Variants in PITPNC1 observed in about 807,000 individuals in gnomAD.
The protein encoded by PITPNC1 is cytoplasmic phosphatidylinositol transfer protein 1.
A neutral mutation model predicts 44.7 loss-of-function variants in PITPNC1; 18 were observed. That is an observed-to-expected ratio of 0.40 (90% CI 0.28 to 0.60). The LOEUF is 0.60. PITPNC1 is among the 20% of genes least tolerant of loss of function. The pLI is 0.39. For missense variants in PITPNC1, 290 were observed against 418.4 expected, an observed-to-expected ratio of 0.69 and a Z score of 2.68; for synonymous variants, 141 against 149.6, an observed-to-expected ratio of 0.94 and a Z score of 0.42.
chr17:67,606,797 TAATAAA>T (rs2041614429), intron 5 of PITPNC1, among the ~76,000 whole-genome samples: 1 of 150,458 alleles, frequency 6.6e-6, no homozygotes, highest in Non-Finnish European at 1.5e-5. Context: ...TAAAAAATAA[TAATAAA>T]AAGGGAGAGA....
At chr17:67,572,478 G>GC (rs912562457) in intron 4 of PITPNC1, among the ~76,000 whole-genome samples, 3 of 115,866 alleles carry the variant, frequency 2.6e-5, no homozygotes, top group African/African-American at 6.4e-5. Flanking sequence ...CGGGGGGGGG[G>GC]GGTAAAGAAG....
chr17:67,433,486 C>G (rs901356588), intron 1 of PITPNC1, among the ~76,000 whole-genome samples: 1 of 152,150 alleles, frequency 6.6e-6, no homozygotes, highest in Non-Finnish European at 1.5e-5. Flanking sequence ...AACTCGAAAT[C>G]CCAGCACTTT....
At chr17:67,615,482 A>G (rs1309037179) in intron 5 of PITPNC1, among the ~76,000 whole-genome samples, 2 of 152,122 alleles carry the variant, frequency 1.3e-5, no homozygotes, top group Non-Finnish European at 2.9e-5. Flanking sequence ...ACCCCACCGC[A>G]CGAGCCATAG....
chr17:67,461,107 T>A (rs1315552908), intron 1 of PITPNC1, among the ~76,000 whole-genome samples: 1 of 152,124 alleles, frequency 6.6e-6, no homozygotes. Flanking sequence ...GGTACTCCTT[T>A]CTTTTCTCTC....
At chr17:67,635,282 G>A (rs1366691255) in intron 6 of PITPNC1, among the ~76,000 whole-genome samples, 3 of 152,148 alleles carry the variant, frequency 2.0e-5, no homozygotes, top group Admixed American at 6.5e-5. Flanking sequence ...ATGGACAGGA[G>A]CAGATGGTTT....
rs1281830078 is a variant in PITPNC1 at position 67,523,806 on chromosome 17, C to CCTTTTTTTTTTTTTTTTTT, written c.49-8996_49-8995insCTTTTTTTTTTTTTTTTTT. Reference sequence around the variant, plus strand: ...CACCAGCTCAGAAATACATGGAAACCGTTTTTTTTTTTTTTTTTTTTTTTA... The same window carrying CCTTTTTTTTTTTTTTTTTT: ...CACCAGCTCAGAAATACATGGAAACCCTTTTTTTTTTTTTTTTTTGTTTTTTTTTTTTTTTTTTTTTTTA... On this transcript the variant is annotated intron_variant, in intron 1 of 8. Transcript: ENST00000581322. 1.6e-5 allele frequency among the ~76,000 whole-genome samples: 2 copies of CCTTTTTTTTTTTTTTTTTT among 127,632 alleles called. 1 individual carries two copies. The allele number at this position is 127,632 out of a possible 152,430, so 83.7% of individuals were successfully genotyped here.
intron 1 of PITPNC1, among the ~76,000 whole-genome samples, chr17:67,531,473 G>A (rs946247609): frequency 2.0e-5 from 3 of 152,278 alleles, no homozygotes; most frequent in African/African-American, 7.2e-5. Context: ...CCATTGTCAT[G>A]GTTACTGGGC....
At chr17:67,624,652 A>G (rs181575575) in intron 5 of PITPNC1, among the ~76,000 whole-genome samples, 35 of 152,138 alleles carry the variant, frequency 2.3e-4, no homozygotes, top group Non-Finnish European at 2.4e-4. Context: ...GCTCTTGAGT[A>G]GCTGGACTAC....
chr17:67,499,592 G>A (rs1478597714), intron 1 of PITPNC1, among the ~76,000 whole-genome samples: 1 of 152,166 alleles, frequency 6.6e-6, no homozygotes, highest in East Asian at 1.9e-4. Flanking sequence ...ACTTCCTACT[G>A]CCCAGAGGCA....
chr17:67,424,263 A>G (rs904425847), intron 1 of PITPNC1, among the ~76,000 whole-genome samples: 1 of 152,094 alleles, frequency 6.6e-6, no homozygotes, highest in African/African-American at 2.4e-5. Flanking sequence ...TTCCAGCAAG[A>G]AGAGGAAGAA....
chr17:67,446,166 C>T (rs994951776), intron 1 of PITPNC1, among the ~76,000 whole-genome samples: 2 of 151,544 alleles, frequency 1.3e-5, no homozygotes, highest in African/African-American at 2.4e-5. Flanking sequence ...AGGATGGTCT[C>T]GATCTCTTGA....
intron 1 of PITPNC1, among the ~76,000 whole-genome samples, chr17:67,476,602 A>C (rs2039634164): frequency 6.6e-6 from 1 of 152,148 alleles, no homozygotes; most frequent in Non-Finnish European, 1.5e-5. Context: ...ACAAAAAAAA[A>C]TCTTAGTGGT....
intron 4 of PITPNC1, among the ~76,000 whole-genome samples, chr17:67,562,874 G>T (rs2040924168): frequency 6.6e-6 from 1 of 152,106 alleles, no homozygotes; most frequent in South Asian, 2.1e-4. Context: ...ATCAAAATGG[G>T]GAGATAAAAA....
chr17:67,572,927 T>C (rs1218131002), intron 4 of PITPNC1, among the ~76,000 whole-genome samples: 1 of 152,092 alleles, frequency 6.6e-6, no homozygotes, highest in Non-Finnish European at 1.5e-5. Flanking sequence ...ACTGGAGTGA[T>C]GCACCCACTC....
intron 4 of PITPNC1, among the ~76,000 whole-genome samples, chr17:67,570,276 G>A (rs971997137): frequency 6.6e-6 from 1 of 152,184 alleles, no homozygotes; most frequent in Admixed American, 6.5e-5. Flanking sequence ...AGAGGCCAGT[G>A]GAAGGGGCAC....
At chr17:67,533,026 G>A in intron 2 of PITPNC1, 76 bp downstream of exon 2, 1 of 1,179,112 alleles carries the variant, frequency 8.5e-7, no homozygotes, top group South Asian at 1.5e-5. Flanking sequence ...GGAGGCAGTG[G>A]GTGTCTGGGA....
chr17:67,407,845 T>C (rs2038424163), intron 1 of PITPNC1, among the ~76,000 whole-genome samples: 1 of 152,024 alleles, frequency 6.6e-6, no homozygotes, highest in Admixed American at 6.5e-5. Flanking sequence ...TTTTTTTACA[T>C]CAGATAGGCA....
At position 67,573,881 on chromosome 17, in the gene PITPNC1, G is replaced by GT. The variant is rs539260306; in HGVS notation, c.295-4298dup. Among the ~76,000 whole-genome samples the GT allele has an allele frequency of 2.7e-3, 418 of 152,184 alleles. 1 individual carries two copies. Among genetic ancestry groups the GT allele is most frequent in the African/African-American group, 8.7e-3 (363 of 41,528 alleles). ...CGGCTACTGACTACTCTTTTAATAA[G>GT]TTTTTTTATGAAGACAGAAAGAGAT... On this transcript the variant is annotated intron_variant, in intron 4 of 8. Transcript: ENST00000581322.
chr17:67,468,816 C>T (rs1412865030), intron 1 of PITPNC1, among the ~76,000 whole-genome samples: 3 of 152,136 alleles, frequency 2.0e-5, no homozygotes, highest in African/African-American at 4.8e-5. Flanking sequence ...CCTGCCTCCA[C>T]CTCCCAGGTT....
Sources: allele counts gnomAD v4.1 joint callset (sites outside exome capture counted in the v4.1 genomes callset), GRCh38; gene constraint gnomAD v4.1.1; transcripts MANE v1.5; gene names NCBI Gene and HGNC (gene_info 2026-07-23, HGNC 2026-07-21).